Variants in RCSD1 observed in about 807,000 individuals in gnomAD.
The protein encoded by RCSD1 is RCSD domain containing 1, also known as capZ-interacting protein.
In RCSD1, 26 loss-of-function variants were observed where a neutral mutation model predicts 42.5. The observed-to-expected ratio is 0.61, with a 90% CI of 0.45 to 0.85. The LOEUF (loss-of-function observed/expected upper bound fraction) is 0.85, where lower values mean the gene tolerates loss of function less well. Among genes scored for constraint, RCSD1 ranks in the 40% least tolerant of loss-of-function variants. RCSD1 has a pLI of 0.00. For synonymous variants in RCSD1, 220 were observed against 212.2 expected (o/e 1.04, Z -0.32); for missense variants, 571 against 528.3 (o/e 1.08, Z -0.79).
chr1:167,639,568 C>G (rs1452690374), intron 1 of RCSD1, among the ~76,000 whole-genome samples: 1 of 152,132 alleles, frequency 6.6e-6, no homozygotes, highest in Non-Finnish European at 1.5e-5. Flanking sequence ...TCTCGGCTCA[C>G]TGCAACCTCC....
At chr1:167,704,356 T>C (rs1659709383) in intron 6 of RCSD1, among the ~76,000 whole-genome samples, 1 of 152,176 alleles carries the variant, frequency 6.6e-6, no homozygotes, top group Non-Finnish European at 1.5e-5. Context: ...CTCTGATCCC[T>C]GGGTTAAAAT....
rs138207677 is a variant in RCSD1 at position 167,654,882 on chromosome 1, G to C, written c.6+24453G>C. Among the ~76,000 whole-genome samples, 701 of 152,258 alleles carry C rather than the reference G, an allele frequency of 4.6e-3. 1 individual carries two copies. The highest frequency in any genetic ancestry group is 7.0e-3 in the Non-Finnish European group (473 of 68,020). ...CAGGACTAGGCTTAGTGACCTACTGGATGTGAGAAGGCAGGGGAGACAGAA... is the reference window on the plus strand; with the variant it reads ...CAGGACTAGGCTTAGTGACCTACTGCATGTGAGAAGGCAGGGGAGACAGAA... On this transcript the variant is annotated intron_variant, in intron 1 of 6. Coordinates refer to ENST00000367854, the MANE Select transcript of RCSD1 (RefSeq NM_052862.4).
intron 1 of RCSD1, among the ~76,000 whole-genome samples, chr1:167,634,834 A>G (rs1657795924): frequency 6.6e-6 from 1 of 152,106 alleles, no homozygotes; most frequent in Non-Finnish European, 1.5e-5. Flanking sequence ...CTCAGTATTT[A>G]TTGGGCCCTT....
At chr1:167,646,638 G>A (rs1240846092) in intron 1 of RCSD1, among the ~76,000 whole-genome samples, 3 of 152,022 alleles carry the variant, frequency 2.0e-5, no homozygotes, top group Admixed American at 6.6e-5. Flanking sequence ...TAGGTTTTAA[G>A]CCCCACATGC....
chr1:167,669,885 G>A (rs1658759309), intron 1 of RCSD1, among the ~76,000 whole-genome samples: 1 of 152,178 alleles, frequency 6.6e-6, no homozygotes, highest in Non-Finnish European at 1.5e-5. Flanking sequence ...TGACTGGGAT[G>A]CAGACCGGGG....
chr1:167,668,767 A>G (rs540874691), intron 1 of RCSD1, among the ~76,000 whole-genome samples: 1 of 149,834 alleles, frequency 6.7e-6, no homozygotes, highest in East Asian at 1.9e-4. Flanking sequence ...GGAGCTGCCA[A>G]TTCTGCCTGA....
At chr1:167,644,331 T>C (rs1363571835) in intron 1 of RCSD1, among the ~76,000 whole-genome samples, 1 of 151,924 alleles carries the variant, frequency 6.6e-6, no homozygotes, top group Non-Finnish European at 1.5e-5. Context: ...AATACAAAAT[T>C]AGCTGGGTGT....
chr1:167,643,864 A>G (rs1658064753), intron 1 of RCSD1, among the ~76,000 whole-genome samples: 1 of 152,244 alleles, frequency 6.6e-6, no homozygotes, highest in South Asian at 2.1e-4. Flanking sequence ...ATAATCATTT[A>G]GAAGAGAACA....
chr1:167,639,088 G>A (rs1476116012), intron 1 of RCSD1, among the ~76,000 whole-genome samples: 1 of 152,086 alleles, frequency 6.6e-6, no homozygotes, highest in Non-Finnish European at 1.5e-5. Flanking sequence ...ATGGTGGCAG[G>A]CACCTGTAGT....
chr1:167,670,618 C>T (rs10918737), intron 1 of RCSD1, among the ~76,000 whole-genome samples: 48,377 of 152,014 alleles, frequency 0.32, 8,649 homozygotes, highest in East Asian at 0.51. Flanking sequence ...GATTCACCCT[C>T]AGGTTTGTCT....
chr1:167,632,000 AT>A (rs1657713667), intron 1 of RCSD1, among the ~76,000 whole-genome samples: 1 of 152,220 alleles, frequency 6.6e-6, no homozygotes, highest in African/African-American at 2.4e-5. Flanking sequence ...CCACAGAAAC[AT>A]TTGCAAGGCC....
chr1:167,686,261 A>G (rs1231890995), intron 3 of RCSD1, among the ~76,000 whole-genome samples: 3 of 152,158 alleles, frequency 2.0e-5, no homozygotes, highest in Admixed American at 2.0e-4. Flanking sequence ...CAACCCCAAA[A>G]TACAGCAAGC....
chr1:167,679,372 G>A (rs1490268068), intron 1 of RCSD1, among the ~76,000 whole-genome samples: 2 of 152,248 alleles, frequency 1.3e-5, no homozygotes, highest in African/African-American at 2.4e-5. Flanking sequence ...CTGGTTCCCA[G>A]TCCAGAACCC....
intron 1 of RCSD1, among the ~76,000 whole-genome samples, chr1:167,671,442 C>T (rs1658804486): frequency 6.6e-6 from 1 of 152,170 alleles, no homozygotes; most frequent in African/African-American, 2.4e-5. Context: ...CCGGAAGGGG[C>T]CAGCCCTTAT....
intron 1 of RCSD1, among the ~76,000 whole-genome samples, chr1:167,658,228 G>C (rs1408768726): frequency 6.6e-6 from 1 of 152,134 alleles, no homozygotes; most frequent in Non-Finnish European, 1.5e-5. Context: ...ATACCTTTCT[G>C]TAGGATACTT....
At chr1:167,646,400 G>T (rs1294021931) in intron 1 of RCSD1, among the ~76,000 whole-genome samples, 1 of 146,734 alleles carries the variant, frequency 6.8e-6, no homozygotes, top group East Asian at 2.0e-4. Flanking sequence ...TAAGGACAGT[G>T]AAAGAGGGCT....
chr1:167,705,378 G>GT lies in RCSD1; in HGVS notation c.*686dup, dbSNP rs1317730358. 1 of 152,054 alleles carries GT rather than the reference G, an allele frequency of 6.6e-6. No individual in the cohort carries two copies. Among genetic ancestry groups the GT allele is most frequent in the Non-Finnish European group, 1.5e-5 (1 of 68,020 alleles). 9.4% of individuals were successfully genotyped at this position (152,054 alleles called of 1,614,324 possible). A position where few individuals can be genotyped will look rare whatever the true frequency, so the allele number is the denominator to read the frequency against. ...TCGCAGGAGCTTTTCCTGTCCTGTG[G>GT]TTTTCCAGTTGGTGACCACCATGGG... is the stretch of plus-strand genomic sequence containing the variant. On this transcript the variant is annotated 3_prime_UTR_variant, in exon 7 of 7. Coordinates refer to ENST00000367854, the MANE Select transcript of RCSD1 (RefSeq NM_052862.4).
At chr1:167,682,850 A>T (rs1302551574) in intron 1 of RCSD1, among the ~76,000 whole-genome samples, 2 of 152,192 alleles carry the variant, frequency 1.3e-5, no homozygotes, top group Non-Finnish European at 1.5e-5. Flanking sequence ...GAGGAGGGGA[A>T]GTGCAGGGGG....
At position 167,706,298 on chromosome 1, in the gene RCSD1, A is replaced by C. The variant is rs12116771; in HGVS notation, c.*1602A>C. On this transcript the variant is annotated 3_prime_UTR_variant, in exon 7 of 7. Coordinates refer to ENST00000367854, the MANE Select transcript of RCSD1 (RefSeq NM_052862.4). ...GATCTATAAACTTGTCTGTCTATCT[A>C]TCTAGCTGGCTAGCTTGCTATCAAT... is the stretch of plus-strand genomic sequence containing the variant. 1 of 152,108 alleles carries C rather than the reference A, an allele frequency of 6.6e-6. No individual in the cohort carries two copies. The highest frequency in any genetic ancestry group is 1.5e-5 in the Non-Finnish European group (1 of 68,018). 9.4% of individuals were successfully genotyped at this position (152,108 alleles called of 1,614,324 possible).
Sources: gnomAD v4.1 joint callset for allele counts (sites outside exome capture counted in the v4.1 genomes callset) on GRCh38, gnomAD v4.1.1 for gene constraint, MANE v1.5 for transcripts, NCBI Gene and HGNC (gene_info 2026-07-23, HGNC 2026-07-21) for gene names.